URB1: variants seen among roughly 807,000 people sequenced by gnomAD.
The protein encoded by URB1 is URB1 ribosome biogenesis factor, also known as nucleolar pre-ribosomal-associated protein 1.
Under a neutral mutation model 242.3 loss-of-function variants are expected in URB1, and 197 were observed. The observed-to-expected ratio is 0.81, with a 90% CI of 0.72 to 0.91. URB1 has a LOEUF of 0.91. URB1 is among the 40% of genes least tolerant of loss of function. The probability of loss-of-function intolerance (pLI) is 0.00; values close to 1 mark genes in which losing one functional copy is unlikely to be tolerated. For missense variants in URB1, 2,721 were observed against 2,860.5 expected (o/e 0.95, Z 1.11); for synonymous variants, 1,153 against 1,201.8 (o/e 0.96, Z 0.84).
chr21:32,381,503 G>A (rs141455568), intron 4 of URB1, among the ~76,000 whole-genome samples: 1 of 150,302 alleles, frequency 6.7e-6, no homozygotes, highest in East Asian at 1.9e-4. Context: ...GATGGCATGA[G>A]GGAGAAAAAC....
intron 8 of URB1, among the ~76,000 whole-genome samples, chr21:32,371,962 T>C (rs1327012949): frequency 2.0e-5 from 3 of 152,150 alleles, no homozygotes; most frequent in Admixed American, 1.3e-4. Context: ...AAACAAAATG[T>C]TAAAAAAAAA....
Position 32,358,053 on chromosome 21 carries a change from G to A in URB1, c.1870-397C>T, listed in dbSNP as rs187977698. Among the ~76,000 whole-genome samples, 45 of 152,182 alleles carry A rather than the reference G, an allele frequency of 3.0e-4. 2 individuals carry two copies. In the East Asian group the frequency reaches 7.3e-3, roughly 25 times the overall value. On this transcript the variant is annotated intron_variant, in intron 14 of 38. Coordinates refer to ENST00000382751, the MANE Select transcript of URB1 (RefSeq NM_014825.3). ...CCAAAAACAAAAAACAAAACATAAC[G>A]TAGCAGGAGCCATCACTTGCTGAAC...
At chr21:32,355,137 G>C (rs2123590616) in intron 16 of URB1, 140 bp from the exon 17 acceptor site, 1 of 1,180,262 alleles carries the variant, frequency 8.5e-7, no homozygotes, top group East Asian at 2.6e-5. Flanking sequence ...ATGAAATTGG[G>C]CCTAAACTTT....
intron 36 of URB1, among the ~76,000 whole-genome samples, chr21:32,318,793 C>T (rs1289546915): frequency 6.6e-6 from 1 of 152,198 alleles, no homozygotes; most frequent in Non-Finnish European, 1.5e-5. Context: ...TGAGTCTTCG[C>T]AGGCTAATGA....
intron 26 of URB1, among the ~76,000 whole-genome samples, chr21:32,338,480 A>G (rs1215729771): frequency 6.6e-6 from 1 of 152,194 alleles, no homozygotes; most frequent in Non-Finnish European, 1.5e-5. Context: ...CAACTTCTGT[A>G]AGCCAGTTAA....
Position 32,350,940 on chromosome 21 carries a change from AG to A in URB1, c.2614-19del, listed in dbSNP as rs759474158. 1 of 1,536,868 alleles carries A rather than the reference AG, an allele frequency of 6.5e-7. No individual in the cohort carries two copies. The highest frequency in any genetic ancestry group is 8.7e-7 in the Non-Finnish European group (1 of 1,143,254). The stretch of plus-strand genomic sequence containing the variant: ...TGCAGCAGCTGAGGGAGACAGCAAA[AG>A]GCCGGGGAAGAGAAAGACACATCAC... On this transcript the variant is annotated intron_variant, in intron 19 of 38. Transcript: ENST00000382751.
Position 32,352,860 on chromosome 21 carries a change from G to C in URB1, c.2463C>G (p.Leu821=). 1 of 1,551,588 alleles carries C rather than the reference G, an allele frequency of 6.4e-7. No individual in the cohort carries two copies. The highest frequency in any genetic ancestry group is 8.7e-7 in the Non-Finnish European group (1 of 1,146,966). Residue 821 remains leucine, a synonymous_variant, in exon 19 of 39, where the codon CTC becomes CTG. Coordinates refer to ENST00000382751, the MANE Select transcript of URB1 (RefSeq NM_014825.3). The part of the protein sequence containing the change: ...TYLTAVLTDL[L]HTQRDPLALC... ...GAGCCAGGGGGTCCCTCTGGGTGTG[G>C]AGGAGGTCAGTCAGCACTGCCGTCA...
intron 30 of URB1, among the ~76,000 whole-genome samples, chr21:32,326,370 T>C (rs1316089143): frequency 6.6e-6 from 1 of 152,194 alleles, no homozygotes; most frequent in African/African-American, 2.4e-5. Context: ...CAATAAGAGA[T>C]AGTCCATTGA....
intron 15 of URB1, 138 bp downstream of exon 15, chr21:32,357,399 T>C (rs2033234502): frequency 1.1e-5 from 10 of 929,106 alleles, no homozygotes; most frequent in Non-Finnish European, 1.4e-5. Context: ...TAAATTAAAC[T>C]GCCATAAAAC....
At chr21:32,378,118 G>A (rs1477073498) in intron 5 of URB1, among the ~76,000 whole-genome samples, 1 of 152,194 alleles carries the variant, frequency 6.6e-6, no homozygotes, top group Non-Finnish European at 1.5e-5. Flanking sequence ...CCAAGGCTAT[G>A]AGTCTGAGTA....
At position 32,363,162 on chromosome 21, in the gene URB1, C is replaced by G; in HGVS notation, c.1503G>C (p.Leu501=). 1 of 1,551,568 alleles carries G rather than the reference C, an allele frequency of 6.4e-7. No individual in the cohort carries two copies. Among genetic ancestry groups the G allele is most frequent in the Non-Finnish European group, 8.7e-7 (1 of 1,146,962 alleles). The change falls in exon 11 of 39, where the codon CTG becomes CTC. Residue 501 remains leucine (L), a synonymous_variant. Transcript: ENST00000382751. ...AACCCAGATCAGAGCCTACCTTGCT[C>G]AGGGCTTCTCTGAAGAGCTGCACGA... is the stretch of plus-strand genomic sequence containing the variant. ...EEFVQLFREA[L]SKILPDLNTV...
Position 32,381,667 on chromosome 21 carries a change from A to G in URB1, c.567+1755T>C, listed in dbSNP as rs914891796. 7.4e-4 allele frequency among the ~76,000 whole-genome samples: 112 copies of G among 152,254 alleles called. 1 individual carries two copies. The highest frequency in any genetic ancestry group is 1.3e-4 in the Non-Finnish European group (9 of 68,052). On this transcript the variant is annotated intron_variant, in intron 4 of 38. Coordinates refer to ENST00000382751, the MANE Select transcript of URB1 (RefSeq NM_014825.3). ...AAACTGAGTAATAGATGATAGTGAG[A>G]AATTATTAATGTGTTAGGCGTGATA... is the stretch of plus-strand genomic sequence containing the variant.
intron 31 of URB1, 48 bp from the exon 32 acceptor site, chr21:32,324,650 G>A: frequency 7.1e-7 from 1 of 1,404,256 alleles, no homozygotes. Context: ...CGTGTTCAGA[G>A]CTATGGTCAG....
In URB1 at chr21:32,341,544, G is replaced by T. The variant is rs1303798304; in HGVS notation, c.4258-20C>A. 6.5e-7 allele frequency: 1 copy of T among 1,548,886 alleles called. No homozygotes were observed. The highest frequency in any genetic ancestry group is 1.2e-5 in the South Asian group (1 of 83,844). ...TGCATGCTATGAATAAAATAAGTAAGAAAAACACATGAAACATCTCAGTCT... is the reference window on the plus strand; with the variant it reads ...TGCATGCTATGAATAAAATAAGTAATAAAAACACATGAAACATCTCAGTCT... On this transcript the variant is annotated intron_variant, in intron 24 of 38. Transcript: ENST00000382751.
intron 6 of URB1, 32 bp from the exon 7 acceptor site, chr21:32,373,804 A>C (rs117415725): frequency 0.06 from 88,006 of 1,475,384 alleles, 2,997 homozygotes; most frequent in Non-Finnish European, 0.068. Context: ...TTATTAAAAA[A>C]CAAATTATGA....
rs991598276 is a variant in URB1 at position 32,314,287 on chromosome 21, C to T, written c.*631G>A. On this transcript the variant is annotated 3_prime_UTR_variant, in exon 39 of 39. Transcript: ENST00000382751. Reference sequence around the variant, plus strand: ...GTAGCCTCCACCTCCCAGGTTCAAGCGATTCCCCTGCCTTAGCCTCCCGAG... The same window carrying T: ...GTAGCCTCCACCTCCCAGGTTCAAGTGATTCCCCTGCCTTAGCCTCCCGAG... The T allele has an allele frequency of 4.6e-5, 18 of 390,970 alleles. No homozygotes were observed. Among genetic ancestry groups the T allele is most frequent in the South Asian group, 2.4e-4 (11 of 46,672 alleles). 24.2% of individuals were successfully genotyped at this position (390,970 alleles called of 1,614,324 possible). A position where few individuals can be genotyped will look rare whatever the true frequency, so the allele number is the denominator to read the frequency against.
chr21:32,317,420 C>G (rs1240818549), intron 37 of URB1, among the ~76,000 whole-genome samples: 1 of 152,314 alleles, frequency 6.6e-6, no homozygotes, highest in African/African-American at 2.4e-5. Flanking sequence ...TAGCTACCCC[C>G]AGCCTCTTTA....
At chr21:32,371,676 T>C (rs1456489306) in intron 8 of URB1, among the ~76,000 whole-genome samples, 4 of 152,184 alleles carry the variant, frequency 2.6e-5, no homozygotes, top group Admixed American at 6.5e-5. Flanking sequence ...TAAATCCTTG[T>C]GATATAATGC....
chr21:32,353,252 G>C (rs748086495), intron 18 of URB1, among the ~76,000 whole-genome samples: 5 of 152,148 alleles, frequency 3.3e-5, no homozygotes, highest in African/African-American at 9.7e-5. Context: ...TGTAGGCTGG[G>C]ACCACATGCC....
Sources: gnomAD v4.1 joint callset for allele counts (sites outside exome capture counted in the v4.1 genomes callset) on GRCh38, gnomAD v4.1.1 for gene constraint, MANE v1.5 for transcripts, NCBI Gene and HGNC (gene_info 2026-07-23, HGNC 2026-07-21) for gene names.